COCH: variants seen among roughly 807,000 people sequenced by gnomAD.
COCH encodes the protein cochlin.
Under a neutral mutation model 54.8 loss-of-function variants are expected in COCH, and 40 were observed. That is an observed-to-expected ratio of 0.73 (90% CI 0.57 to 0.95). The LOEUF (loss-of-function observed/expected upper bound fraction) is 0.95. COCH is among the 40% of genes least tolerant of loss of function. COCH has a pLI of 0.00. For missense variants in COCH, 605 were observed against 675.0 expected (o/e 0.90, Z 1.15); for synonymous variants, 256 against 237.9 (o/e 1.08, Z -0.70).
downstream of COCH, chr14:30,895,355 A>T: frequency 6.6e-7 from 1 of 1,522,924 alleles, no homozygotes; most frequent in Non-Finnish European, 8.8e-7. Context: ...GATGGCAGTG[A>T]TGCAGACCCT....
In COCH at chr14:30,877,810, C is replaced by G; in HGVS notation, c.239+82C>G. 6.3e-7 allele frequency: 1 copy of G among 1,598,368 alleles called. No homozygotes were observed. Among genetic ancestry groups the G allele is most frequent in the Non-Finnish European group, 8.5e-7 (1 of 1,173,890 alleles). On this transcript the variant is annotated intron_variant, in intron 4 of 11. Transcript: ENST00000396618. The surrounding 1 kb of genome is among the most constrained non-coding windows in gnomAD (Gnocchi z 8.6). ...TGCTTTACCCATCTGGATCCCTTTC[C>G]TCCCTGCATTCTTTCTTTTGTTGCC...
At position 30,889,482 on chromosome 14, in the gene COCH, G is replaced by C. The variant is rs1422981498; in HGVS notation, c.1478-134G>C. ...GACTGTGAAAACTTAATTTGTTCAGGGGATTTAATTGTCCAGAAATTAGTA... is the reference window on the plus strand; with the variant it reads ...GACTGTGAAAACTTAATTTGTTCAGCGGATTTAATTGTCCAGAAATTAGTA... On this transcript the variant is annotated intron_variant, in intron 11 of 11. Coordinates refer to ENST00000396618, the MANE Select transcript of COCH (RefSeq NM_004086.3). The C allele has an allele frequency of 5.1e-6, 4 of 778,736 alleles. No individual in the cohort carries two copies. In the African/African-American group the frequency reaches 6.9e-5, roughly 13 times the overall value. 48.2% of individuals were successfully genotyped at this position (778,736 alleles called of 1,614,324 possible).
chr14:30,890,429 T>C lies in COCH; in HGVS notation c.*638T>C, dbSNP rs573389803. 1.0e-6 allele frequency: 1 copy of C among 970,848 alleles called. No homozygotes were observed. The highest frequency in any genetic ancestry group is 1.2e-6 in the Non-Finnish European group (1 of 816,700). 60.1% of individuals were successfully genotyped at this position (970,848 alleles called of 1,614,324 possible). ...ATTGCCAGGTATTTTTCTATTTCTCTCCTTAATTTTATATGTATATAGATA... is the reference window on the plus strand; with the variant it reads ...ATTGCCAGGTATTTTTCTATTTCTCCCCTTAATTTTATATGTATATAGATA... On this transcript the variant is annotated 3_prime_UTR_variant, in exon 12 of 12. Coordinates refer to ENST00000396618, the MANE Select transcript of COCH (RefSeq NM_004086.3).
At chr14:30,895,322 A>T, downstream of COCH, 6 of 1,333,060 alleles carry the variant, frequency 4.5e-6, no homozygotes, top group Non-Finnish European at 6.0e-6. Flanking sequence ...GATCACATGT[A>T]GTGTCATATC....
intron 3 of COCH, chr14:30,876,209 CATT>C (rs1354736169): frequency 6.6e-6 from 1 of 152,244 alleles, no homozygotes; most frequent in East Asian, 1.9e-4. Flanking sequence ...CATTTAATAA[CATT>C]AATCTCAATT....
chr14:30,887,976 T>C (rs1895848235), intron 11 of COCH, among the ~76,000 whole-genome samples: 1 of 152,178 alleles, frequency 6.6e-6, no homozygotes, highest in African/African-American at 2.4e-5. Context: ...GAGGCTGGAC[T>C]ACACCAATAT....
In COCH at chr14:30,879,328, A is replaced by T. The variant is rs1052050637; in HGVS notation, c.374-95A>T. On this transcript the variant is annotated intron_variant, in intron 5 of 11. Transcript: ENST00000396618. Reference sequence around the variant, plus strand: ...TTGTAACTACAATCACCATTACCCTATTACATTTGTCATTGTAGAGAGCTC... The same window carrying T: ...TTGTAACTACAATCACCATTACCCTTTTACATTTGTCATTGTAGAGAGCTC... 36 of 1,244,344 alleles carry T rather than the reference A, an allele frequency of 2.9e-5. No homozygotes were observed. The African/African-American group carries it at 5.2e-4, about 18-fold the overall frequency. 77.1% of individuals were successfully genotyped at this position (1,244,344 alleles called of 1,614,324 possible).
intron 1 of COCH, 150 bp downstream of exon 1, chr14:30,874,741 A>G (rs1289319090): frequency 4.6e-6 from 3 of 655,348 alleles, no homozygotes; most frequent in Admixed American, 2.5e-5. Context: ...GCTTCGCTCG[A>G]TTTGCCGCCG....
Position 30,877,250 on chromosome 14 carries a change from G to T in COCH, c.83-322G>T. ...CACCTGTAATCCCAGCTACTAGGGAGTTGGAGGTGGATCACTTGAGCTCGG... is the reference window on the plus strand; with the variant it reads ...CACCTGTAATCCCAGCTACTAGGGATTTGGAGGTGGATCACTTGAGCTCGG... On this transcript the variant is annotated intron_variant, in intron 3 of 11. Transcript: ENST00000396618. The surrounding 1 kb of genome is among the most constrained non-coding windows in gnomAD (Gnocchi z 8.6). 2.8e-6 allele frequency: 1 copy of T among 353,084 alleles called. No individual in the cohort carries two copies. Among genetic ancestry groups the T allele is most frequent in the South Asian group, 2.6e-5 (1 of 38,664 alleles). The allele number at this position is 353,084 out of a possible 1,614,324, so 21.9% of individuals were successfully genotyped here.
chr14:30,883,872 CATT>C (rs1385985047), intron 8 of COCH, among the ~76,000 whole-genome samples: 2 of 152,146 alleles, frequency 1.3e-5, no homozygotes, highest in African/African-American at 4.8e-5. Context: ...ATGTCATTGT[CATT>C]ATAAGAAAAA....
chr14:30,886,368 T>A, intron 11 of COCH, 56 bp downstream of exon 11: 1 of 1,578,268 alleles, frequency 6.3e-7, no homozygotes, highest in Non-Finnish European at 8.7e-7. Flanking sequence ...TCAGTGAATT[T>A]AGGAGTAAAT....
rs1298778211 is a variant in COCH at position 30,890,179 on chromosome 14, A to C, written c.*388A>C. The stretch of plus-strand genomic sequence containing the variant: ...CTAACCATTCTGTATTGATTATATA[A>C]GCAAAATGAAAAGAGAAACTTAAAT... On this transcript the variant is annotated 3_prime_UTR_variant, in exon 12 of 12. Coordinates refer to ENST00000396618, the MANE Select transcript of COCH (RefSeq NM_004086.3). 5 of 991,684 alleles carry C rather than the reference A, an allele frequency of 5.0e-6. No homozygotes were observed. The highest frequency in any genetic ancestry group is 3.6e-6 in the Non-Finnish European group (3 of 833,442). The allele number at this position is 991,684 out of a possible 1,614,324, so 61.4% of individuals were successfully genotyped here.
chr14:30,895,566 T>A, downstream of COCH: 1 of 1,613,754 alleles, frequency 6.2e-7, no homozygotes, highest in Non-Finnish European at 8.5e-7. Context: ...CATAATCTGA[T>A]GGAACAGTCA....
At position 30,877,722 on chromosome 14, in the gene COCH, T is replaced by C. The variant is rs1895417662; in HGVS notation, c.233T>C (p.Val78Ala). ...GTATCGAGCATATGTGGGGCTGCTG[T>C]CCACAGGTAAGCCCAAACACACCAG... ...ASVSSICGAAVHRGVISNSGG... is the reference protein window; with the variant it reads ...ASVSSICGAAAHRGVISNSGG... The change falls in exon 4 of 12, where the codon GTC (valine) becomes GCC (alanine). Residue 78 changes from valine to alanine, a missense_variant. Physicochemically the swap from Val to Ala is moderately conservative, Grantham distance 64. Transcript: ENST00000396618. The surrounding 1 kb of genome is among the most constrained non-coding windows in gnomAD (Gnocchi z 8.6). The C allele has an allele frequency of 6.2e-7, 1 of 1,614,192 alleles. No homozygotes were observed. The highest frequency in any genetic ancestry group is 8.5e-7 in the Non-Finnish European group (1 of 1,180,028).
At chr14:30,894,845 C>A, downstream of COCH, 2 of 532,610 alleles carry the variant, frequency 3.8e-6, no homozygotes, top group South Asian at 2.4e-5. Flanking sequence ...TTTATCCAAA[C>A]ATTTTGTGCA....
Position 30,885,412 on chromosome 14 carries a change from C to T in COCH, c.752C>T (p.Thr251Ile), listed in dbSNP as rs1416225513. The change falls in exon 10 of 12, where the codon ACT becomes ATT. Residue 251 changes from threonine to isoleucine, a missense_variant. Physicochemically the swap from Thr to Ile is moderately conservative, Grantham distance 89 (BLOSUM62 -1). Transcript: ENST00000396618. ...NSNTGKALKH[T>I]AQKFFTVDAG... ...AATTTAGGAAAAGCCTTGAAGCATACTGCTCAGAAATTCTTCACGGTAGAT... is the reference window on the plus strand; with the variant it reads ...AATTTAGGAAAAGCCTTGAAGCATATTGCTCAGAAATTCTTCACGGTAGAT... The T allele has an allele frequency of 4.3e-6, 7 of 1,613,792 alleles. No individual in the cohort carries two copies. Among genetic ancestry groups the T allele is most frequent in the Admixed American group, 1.7e-5 (1 of 59,996 alleles).
In COCH at chr14:30,890,237, A is replaced by G. The variant is rs1191275817; in HGVS notation, c.*446A>G. ...GCTCTTTAACATGGTTCAGGTACAC[A>G]TATTTTGACCCAAGTGGATATTTTC... On this transcript the variant is annotated 3_prime_UTR_variant, in exon 12 of 12. Coordinates refer to ENST00000396618, the MANE Select transcript of COCH (RefSeq NM_004086.3). 3 of 987,024 alleles carry G rather than the reference A, an allele frequency of 3.0e-6. No homozygotes were observed. The highest frequency in any genetic ancestry group is 1.7e-5 in the African/African-American group (1 of 57,254). 61.1% of individuals were successfully genotyped at this position (987,024 alleles called of 1,614,324 possible).
Position 30,890,447 on chromosome 14 carries a change from T to G in COCH, c.*656T>G. The G allele has an allele frequency of 1.0e-6, 1 of 955,220 alleles. No individual in the cohort carries two copies. Among genetic ancestry groups the G allele is most frequent in the South Asian group, 4.8e-5 (1 of 20,668 alleles). 59.2% of individuals were successfully genotyped at this position (955,220 alleles called of 1,614,324 possible). A position where few individuals can be genotyped will look rare whatever the true frequency, so the allele number is the denominator to read the frequency against. On this transcript the variant is annotated 3_prime_UTR_variant, in exon 12 of 12. Transcript: ENST00000396618. ...ATTTCTCTCCTTAATTTTATATGTATATAGATATATTTGGCTTATATTCTA... is the reference window on the plus strand; with the variant it reads ...ATTTCTCTCCTTAATTTTATATGTAGATAGATATATTTGGCTTATATTCTA...
chr14:30,894,898 T>TC (rs1420270689), downstream of COCH: 62 of 1,050,060 alleles, frequency 5.9e-5, no homozygotes, highest in East Asian at 1.3e-4. Flanking sequence ...TTTTTCTTTT[T>TC]TTTTTTTTTT....
Sources: allele counts gnomAD v4.1 joint callset (sites outside exome capture counted in the v4.1 genomes callset), GRCh38; gene constraint gnomAD v4.1.1; non-coding constraint Gnocchi (gnomAD v3.1); transcripts MANE v1.5; gene names NCBI Gene and HGNC (gene_info 2026-07-23, HGNC 2026-07-21).